The following UNC13C variants were observed in gnomAD, a reference collection of about 807,000 sequenced individuals.
UNC13C encodes unc-13 homolog C, also known as protein unc-13 homolog C.
A neutral mutation model predicts 245.4 loss-of-function variants in UNC13C; 174 were observed. The ratio of observed to expected loss-of-function variants is 0.71; its 90% CI spans 0.63 to 0.80. UNC13C has a LOEUF of 0.80. UNC13C is among the 30% of genes least tolerant of loss of function. The probability of loss-of-function intolerance (pLI) is 0.00; values close to 1 mark genes in which losing one functional copy is unlikely to be tolerated. For missense variants in UNC13C, 2,829 were observed against 2,602.9 expected (o/e 1.09, Z -1.89); for synonymous variants, 992 against 895.1 (o/e 1.11, Z -1.93).
intron 13 of UNC13C, among the ~76,000 whole-genome samples, chr15:54,303,563 A>G (rs536287870): frequency 1.3e-5 from 2 of 148,866 alleles, no homozygotes; most frequent in East Asian, 2.0e-4. Context: ...GCCCTTCCTT[A>G]TTTTATTACA....
At chr15:54,047,129 G>T (rs891509935) in intron 2 of UNC13C, among the ~76,000 whole-genome samples, 1 of 151,932 alleles carries the variant, frequency 6.6e-6, no homozygotes, top group Non-Finnish European at 1.5e-5. Flanking sequence ...AGTCAAACAG[G>T]TTTATCATTT....
the UNC13C span, among the ~76,000 whole-genome samples, chr15:53,937,876 G>A: frequency 2.6e-5 from 4 of 152,144 alleles, no homozygotes; most frequent in Non-Finnish European, 5.9e-5. Context: ...GAGAGGTCCC[G>A]AAGGAAGAAC....
chr15:54,307,274 G>T (rs1293481397), intron 13 of UNC13C, among the ~76,000 whole-genome samples: 1 of 151,876 alleles, frequency 6.6e-6, no homozygotes, highest in Non-Finnish European at 1.5e-5. Flanking sequence ...CCATTTCCTG[G>T]TTCATTTATG....
chr15:53,839,751 CTTGCCTTCA>C, the UNC13C span, among the ~76,000 whole-genome samples: 1 of 151,912 alleles, frequency 6.6e-6, no homozygotes, highest in African/African-American at 2.4e-5. Flanking sequence ...CCCCTCCTAT[CTTGCCTTCA>C]TTGGATTGAT....
intron 10 of UNC13C, among the ~76,000 whole-genome samples, chr15:54,269,598 G>A (rs2036633256): frequency 6.6e-6 from 1 of 151,988 alleles, no homozygotes; most frequent in South Asian, 2.1e-4. Context: ...AACTACCTAG[G>A]ACCACCCAAG....
chr15:53,996,402 A>G (rs572356726), intron 1 of UNC13C, among the ~76,000 whole-genome samples: 2 of 152,280 alleles, frequency 1.3e-5, no homozygotes, highest in South Asian at 2.1e-4. Context: ...TTTCTTTAAC[A>G]CACTGCTTAG....
chr15:53,952,056 T>C, the UNC13C span, among the ~76,000 whole-genome samples: 1,966 of 152,200 alleles, frequency 0.013, 46 homozygotes, highest in African/African-American at 0.046. Context: ...TAGGATGATG[T>C]GAGGGTTTGG....
At chr15:54,250,481 A>T in intron 8 of UNC13C, 37 bp downstream of exon 8, 1 of 1,548,336 alleles carries the variant, frequency 6.5e-7, no homozygotes, top group Non-Finnish European at 8.8e-7. Context: ...TGGTATGCAG[A>T]GCCTGCCTTA....
chr15:54,472,203 A>T (rs1231302502), intron 19 of UNC13C, among the ~76,000 whole-genome samples: 1 of 151,758 alleles, frequency 6.6e-6, no homozygotes, highest in African/African-American at 2.4e-5. Context: ...TTAAGCTGAT[A>T]ATCACCCAAC....
chr15:54,287,472 A>G (rs1224104839), intron 10 of UNC13C, among the ~76,000 whole-genome samples: 1 of 152,200 alleles, frequency 6.6e-6, no homozygotes, highest in Non-Finnish European at 1.5e-5. Flanking sequence ...TTAATCTCAC[A>G]TTAAGCCACA....
intron 2 of UNC13C, among the ~76,000 whole-genome samples, chr15:54,040,514 C>T (rs552079058): frequency 1.3e-5 from 2 of 152,228 alleles, no homozygotes; most frequent in Admixed American, 6.5e-5. Context: ...TTGAGAAACA[C>T]TCTCTAGGGG....
At chr15:54,057,277 A>C (rs187030339) in intron 2 of UNC13C, among the ~76,000 whole-genome samples, 3 of 151,590 alleles carry the variant, frequency 2.0e-5, no homozygotes, top group East Asian at 1.9e-4. Flanking sequence ...TCTACCAAGC[A>C]AATGGAAAAC....
At chr15:53,988,754 T>C (rs965011616) in intron 1 of UNC13C, among the ~76,000 whole-genome samples, 1 of 151,876 alleles carries the variant, frequency 6.6e-6, no homozygotes, top group Non-Finnish European at 1.5e-5. Context: ...GCAGGGAAAA[T>C]CTACTGTTTG....
chr15:53,914,011 T>C, the UNC13C span: 1 of 152,226 alleles, frequency 6.6e-6, no homozygotes, highest in Non-Finnish European at 1.5e-5. Context: ...GAGCAGTTTA[T>C]TGAAGCTTAT....
chr15:54,284,587 T>C (rs1339617272), intron 10 of UNC13C, among the ~76,000 whole-genome samples: 5 of 151,880 alleles, frequency 3.3e-5, no homozygotes, highest in Non-Finnish European at 7.4e-5. Context: ...ACCAAAGAAA[T>C]GGTGAATAGA....
chr15:54,569,556 CTG>C (rs150651851), intron 30 of UNC13C, among the ~76,000 whole-genome samples: 2 of 150,212 alleles, frequency 1.3e-5, no homozygotes, highest in Non-Finnish European at 3.0e-5. Flanking sequence ...CAAGGGCCGA[CTG>C]TGTGTGTGTG....
chr15:54,302,633 C>G (rs2037617280), intron 13 of UNC13C, among the ~76,000 whole-genome samples: 1 of 152,132 alleles, frequency 6.6e-6, no homozygotes, highest in Non-Finnish European at 1.5e-5. Flanking sequence ...GGCCTCTGTT[C>G]TGTTCCATTG....
chr15:53,897,560 G>A, the UNC13C span, among the ~76,000 whole-genome samples: 6 of 152,128 alleles, frequency 3.9e-5, no homozygotes, highest in Non-Finnish European at 8.8e-5. Flanking sequence ...TATTATAGGC[G>A]TGTGCCATGG....
chr15:54,013,670 T>A lies in UNC13C; in HGVS notation c.767T>A (p.Ile256Asn). ...IFKELQGISQ[I>N]ETELSELRGH... The stretch of plus-strand genomic sequence containing the variant: ...AAGGAACTTCAGGGAATAAGTCAGA[T>A]TGAAACAGAACTTTCTGAACTACGA... Residue 256 changes from isoleucine (I) to asparagine (N), a missense_variant, in exon 2 of 33, where the codon ATT (isoleucine) becomes AAT (asparagine). By Grantham distance (149) the Ile-to-Asn change is moderately radical. Transcript: ENST00000260323. The A allele has an allele frequency of 6.2e-7, 1 of 1,613,830 alleles. No homozygotes were observed. The highest frequency in any genetic ancestry group is 1.1e-5 in the South Asian group (1 of 91,062).
Sources: allele counts gnomAD v4.1 joint callset (sites outside exome capture counted in the v4.1 genomes callset), GRCh38; gene constraint gnomAD v4.1.1; transcripts MANE v1.5; gene names NCBI Gene and HGNC (gene_info 2026-07-23, HGNC 2026-07-21).